FNBP1: variants seen among roughly 807,000 people sequenced by gnomAD.
FNBP1 encodes the protein formin binding protein 1, also known as formin-binding protein 1.
A neutral mutation model predicts 90.6 loss-of-function variants in FNBP1; 26 were observed. The ratio of observed to expected loss-of-function variants is 0.29; its 90% CI spans 0.21 to 0.40. The LOEUF is 0.40. Ranked by LOEUF, FNBP1 falls within the 10% of genes least tolerant of loss-of-function variation. The probability of loss-of-function intolerance (pLI) is 1.00; values close to 1 mark genes in which losing one functional copy is unlikely to be tolerated. For missense variants in FNBP1, 635 were observed against 768.0 expected (o/e 0.83, Z 2.05); for synonymous variants, 260 against 265.2 (o/e 0.98, Z 0.19).
intron 13 of FNBP1, among the ~76,000 whole-genome samples, chr9:129,902,039 G>T (rs1175484786): frequency 6.6e-6 from 1 of 152,140 alleles, no homozygotes; most frequent in Non-Finnish European, 1.5e-5. Flanking sequence ...GGGAGAGTGG[G>T]TTCAGGAGGC....
intron 2 of FNBP1, among the ~76,000 whole-genome samples, chr9:129,980,669 G>A (rs1412473048): frequency 5.5e-5 from 7 of 126,742 alleles, no homozygotes; most frequent in African/African-American, 1.2e-4. Context: ...GGTAATCACA[G>A]AAAAAAAAAA....
At chr9:129,989,793 T>C (rs546964662) in intron 2 of FNBP1, among the ~76,000 whole-genome samples, 1 of 152,290 alleles carries the variant, frequency 6.6e-6, no homozygotes, top group East Asian at 1.9e-4. Flanking sequence ...ATCCCAGCAC[T>C]TTGGGAGGCC....
At chr9:129,994,720 G>T in intron 2 of FNBP1, 123 bp downstream of exon 2, 1 of 427,462 alleles carries the variant, frequency 2.3e-6, no homozygotes. Flanking sequence ...CACTTCTATT[G>T]AAATATTACC....
At chr9:129,903,180 T>C (rs1220401192) in intron 12 of FNBP1, among the ~76,000 whole-genome samples, 179 bp from the exon 13 acceptor site, 1 of 152,170 alleles carries the variant, frequency 6.6e-6, no homozygotes, top group Non-Finnish European at 1.5e-5. Flanking sequence ...GCCTCCAGAA[T>C]AGCTGGGATT....
intron 10 of FNBP1, among the ~76,000 whole-genome samples, chr9:129,920,664 ATAGT>A (rs539313539): frequency 3.9e-4 from 60 of 152,252 alleles, no homozygotes; most frequent in African/African-American, 1.1e-3. Context: ...CTTTTTCTAA[ATAGT>A]TAGAGAATAT....
Position 129,994,834 on chromosome 9 carries a change from T to A in FNBP1, c.140+9A>T. On this transcript the variant is annotated intron_variant, in intron 2 of 16. Coordinates refer to ENST00000446176, the MANE Select transcript of FNBP1 (RefSeq NM_015033.3). Reference sequence around the variant, plus strand: ...AGTTAACAAATAACCTTTTTCAATATCAACTTACCTGAGTTGCTTTGCATA... The same window carrying A: ...AGTTAACAAATAACCTTTTTCAATAACAACTTACCTGAGTTGCTTTGCATA... 7.3e-7 allele frequency: 1 copy of A among 1,376,204 alleles called. No homozygotes were observed. The highest frequency in any genetic ancestry group is 1.2e-5 in the South Asian group (1 of 80,738). 85.2% of individuals were successfully genotyped at this position (1,376,204 alleles called of 1,614,324 possible).
At chr9:129,937,831 C>A (rs2132247342) in intron 6 of FNBP1, among the ~76,000 whole-genome samples, 1 of 152,022 alleles carries the variant, frequency 6.6e-6, no homozygotes, top group Non-Finnish European at 1.5e-5. Context: ...AATAAGTTAA[C>A]CAAAGAAATA....
At chr9:129,905,774 C>G (rs1019708188) in intron 12 of FNBP1, among the ~76,000 whole-genome samples, 4 of 152,072 alleles carry the variant, frequency 2.6e-5, no homozygotes, top group Admixed American at 1.3e-4. Context: ...GGACATCCCA[C>G]AAACTATATA....
At chr9:130,007,651 G>A (rs975094447) in intron 1 of FNBP1, among the ~76,000 whole-genome samples, 6 of 152,036 alleles carry the variant, frequency 3.9e-5, no homozygotes, top group Admixed American at 6.6e-5. Flanking sequence ...CTACGGATGC[G>A]GTAAAAGCAA....
chr9:129,916,627 C>G (rs1393589774), intron 10 of FNBP1, among the ~76,000 whole-genome samples: 1 of 141,332 alleles, frequency 7.1e-6, no homozygotes, highest in East Asian at 2.0e-4. Flanking sequence ...AAAAAAAAAA[C>G]AAAAAAAAAA....
intron 1 of FNBP1, among the ~76,000 whole-genome samples, chr9:130,008,179 C>T (rs574556826): frequency 6.6e-6 from 1 of 151,566 alleles, no homozygotes; most frequent in Admixed American, 6.6e-5. Flanking sequence ...ACCCACTCTG[C>T]ACAAAAAATA....
chr9:130,049,822 C>T, the FNBP1 span, among the ~76,000 whole-genome samples: 1 of 152,044 alleles, frequency 6.6e-6, no homozygotes, highest in African/African-American at 2.4e-5. Flanking sequence ...AGGATTTTTA[C>T]TTATTGTAGA....
rs530902886 is a variant in FNBP1, at chr9:129,903,868, C to T, written c.1296-867G>A. 7.9e-4 allele frequency among the ~76,000 whole-genome samples: 120 copies of T among 152,214 alleles called. 1 individual carries two copies. Among genetic ancestry groups the T allele is most frequent in the South Asian group, 3.1e-3 (15 of 4,818 alleles). ...TATTTCCAACATGGTGAAACCCCGT[C>T]TCTACTAAAATTACAAAAATTAGCC... On this transcript the variant is annotated intron_variant, in intron 12 of 16. Transcript: ENST00000446176.
At chr9:129,961,297 TAG>T (rs2047780080) in intron 4 of FNBP1, among the ~76,000 whole-genome samples, 1 of 151,892 alleles carries the variant, frequency 6.6e-6, no homozygotes. Context: ...GGGTGACAGA[TAG>T]AGACTCCATC....
At chr9:129,918,364 C>A (rs549915958) in intron 10 of FNBP1, among the ~76,000 whole-genome samples, 56 of 152,296 alleles carry the variant, frequency 3.7e-4, no homozygotes, top group African/African-American at 1.3e-3. Flanking sequence ...AAAGCGAAAT[C>A]ATTGGCTAAA....
chr9:129,943,909 C>T (rs1320578400), intron 6 of FNBP1, among the ~76,000 whole-genome samples: 2 of 146,252 alleles, frequency 1.4e-5, no homozygotes, highest in South Asian at 2.2e-4. Flanking sequence ...AGGAGAGTGG[C>T]GTGAACCTGG....
At chr9:130,053,667 C>T in the FNBP1 span, 2 of 527,500 alleles carry the variant, frequency 3.8e-6, no homozygotes, top group South Asian at 2.1e-5. Flanking sequence ...CCGGGCTGGT[C>T]TGGTTCGGCC....
At chr9:129,997,279 G>C (rs1183863522) in intron 1 of FNBP1, among the ~76,000 whole-genome samples, 1 of 152,104 alleles carries the variant, frequency 6.6e-6, no homozygotes, top group African/African-American at 2.4e-5. Context: ...AGTGAGTCAA[G>C]ATCACACCAT....
chr9:130,048,729 C>T, the FNBP1 span, among the ~76,000 whole-genome samples: 1 of 150,352 alleles, frequency 6.7e-6, no homozygotes, highest in South Asian at 2.1e-4. Context: ...CCACCCGCCT[C>T]GTCCTCCCAA....
Sources: allele counts gnomAD v4.1 joint callset (sites outside exome capture counted in the v4.1 genomes callset), GRCh38; gene constraint gnomAD v4.1.1; transcripts MANE v1.5; gene names NCBI Gene and HGNC (gene_info 2026-07-23, HGNC 2026-07-21).